PRDM6: variants seen among roughly 807,000 people sequenced by gnomAD.
PRDM6 encodes PR/SET domain 6.
PRDM6 carries 25 observed loss-of-function variants against 60.8 expected under a neutral mutation model. The ratio of observed to expected loss-of-function variants is 0.41; its 90% CI spans 0.30 to 0.57. The LOEUF is 0.57. Ranked by LOEUF, PRDM6 falls within the 20% of genes least tolerant of loss-of-function variation. PRDM6 has a pLI of 0.27. For missense variants in PRDM6, 839 were observed against 821.3 expected, an observed-to-expected ratio of 1.02 and a Z score of -0.26; for synonymous variants, 407 against 357.4, an observed-to-expected ratio of 1.14 and a Z score of -1.57.
chr5:123,102,763 A>G (rs1561806740), intron 3 of PRDM6, among the ~76,000 whole-genome samples: 4 of 152,238 alleles, frequency 2.6e-5, no homozygotes, highest in Admixed American at 2.6e-4. Context: ...TCAGGTCCTG[A>G]TGGATCTTAC....
Position 123,187,114 on chromosome 5 carries a change from G to T in PRDM6, c.1701G>T (p.Thr567=). Residue 567 remains threonine, a synonymous_variant, in exon 8 of 8, where the codon ACG becomes ACT. Transcript: ENST00000407847. ...GCGAGAGGTGTGAGAGGAGCTTCAC[G>T]CAGGCCACCCAGCTGAGCCGACACC... ...FKCERCERSF[T]QATQLSRHQR... is the part of the protein sequence containing the mutation. The T allele has an allele frequency of 1.3e-6, 2 of 1,551,492 alleles. No homozygotes were observed. The highest frequency in any genetic ancestry group is 1.7e-6 in the Non-Finnish European group (2 of 1,146,852).
At chr5:123,096,219 T>C (rs1052969708) in intron 2 of PRDM6, among the ~76,000 whole-genome samples, 5 of 3,688 alleles carry the variant, frequency 1.4e-3, no homozygotes, top group Non-Finnish European at 2.5e-3. Context: ...CTTGCTTCCT[T>C]GTTAGGAACC....
chr5:123,149,465 T>C (rs1765326697), intron 3 of PRDM6, among the ~76,000 whole-genome samples: 1 of 152,174 alleles, frequency 6.6e-6, no homozygotes, highest in South Asian at 2.1e-4. Flanking sequence ...TGGTAGGTGA[T>C]GTTCAGTGAG....
intron 2 of PRDM6, among the ~76,000 whole-genome samples, chr5:123,095,907 T>C (rs1763948291): frequency 6.6e-6 from 1 of 152,210 alleles, no homozygotes; most frequent in Non-Finnish European, 1.5e-5. Context: ...CATGGCCTGC[T>C]TTGCCGCCTT....
chr5:123,128,866 G>A (rs912854917), intron 3 of PRDM6, among the ~76,000 whole-genome samples: 1 of 152,130 alleles, frequency 6.6e-6, no homozygotes, highest in Non-Finnish European at 1.5e-5. Flanking sequence ...AATGGTATTG[G>A]CTAGGTTTTC....
intron 3 of PRDM6, among the ~76,000 whole-genome samples, chr5:123,105,240 T>C (rs1395688812): frequency 6.6e-6 from 1 of 152,196 alleles, no homozygotes; most frequent in Non-Finnish European, 1.5e-5. Flanking sequence ...TCTTACACCA[T>C]GTAATTTTTT....
chr5:123,166,244 C>A (rs1301875184), intron 5 of PRDM6, among the ~76,000 whole-genome samples: 2 of 152,204 alleles, frequency 1.3e-5, no homozygotes, highest in Non-Finnish European at 2.9e-5. Flanking sequence ...CCTACTTCAG[C>A]ATGGCACAAG....
chr5:123,187,238 C>A lies in PRDM6; in HGVS notation c.*37C>A. Reference sequence around the variant, plus strand: ...GTTGGAATTAAACTGCAAGGAAAGTCATGATTAAATGTCACGGACACTTAA... The same window carrying A: ...GTTGGAATTAAACTGCAAGGAAAGTAATGATTAAATGTCACGGACACTTAA... On this transcript the variant is annotated 3_prime_UTR_variant, in exon 8 of 8. Transcript: ENST00000407847. 2 of 1,471,556 alleles carry A rather than the reference C, an allele frequency of 1.4e-6. No homozygotes were observed. Among genetic ancestry groups the A allele is most frequent in the South Asian group, 2.4e-5 (2 of 82,084 alleles). The allele number at this position is 1,471,556 out of a possible 1,614,324, so 91.2% of individuals were successfully genotyped here. A position where few individuals can be genotyped will look rare whatever the true frequency, so the allele number is the denominator to read the frequency against.
intron 3 of PRDM6, among the ~76,000 whole-genome samples, chr5:123,136,104 C>T (rs1473792556): frequency 6.6e-6 from 1 of 152,122 alleles, no homozygotes; most frequent in Non-Finnish European, 1.5e-5. Context: ...TTTGCAGAGG[C>T]CTCTTTGAAG....
At chr5:123,091,800 A>G (rs1276471507) in intron 2 of PRDM6, among the ~76,000 whole-genome samples, 2 of 152,240 alleles carry the variant, frequency 1.3e-5, no homozygotes, top group Non-Finnish European at 1.5e-5. Flanking sequence ...AAGTTAATTT[A>G]AAACATTTAT....
chr5:123,171,065 C>A lies in PRDM6; in HGVS notation c.1453C>A (p.Arg485=). The change falls in exon 6 of 8, where the codon CGG becomes AGG. Residue 485 remains arginine (R), a synonymous_variant. Transcript: ENST00000407847. ...GCAGTGCTTTAAGACTTTCACCCAG[C>A]GGATCCTCTTACAGATGCACGTGTG... ...CGQCFKTFTQ[R]ILLQMHVCTQ... 1.9e-6 allele frequency: 3 copies of A among 1,551,456 alleles called. No homozygotes were observed. The highest frequency in any genetic ancestry group is 2.6e-6 in the Non-Finnish European group (3 of 1,146,638).
chr5:123,097,796 A>G (rs1763990702), intron 2 of PRDM6, among the ~76,000 whole-genome samples: 1 of 152,180 alleles, frequency 6.6e-6, no homozygotes, highest in South Asian at 2.1e-4. Flanking sequence ...AGGACAGAAG[A>G]GGGCCTTTGT....
chr5:123,116,425 T>A (rs541800242), intron 3 of PRDM6, among the ~76,000 whole-genome samples: 2 of 152,358 alleles, frequency 1.3e-5, no homozygotes, highest in East Asian at 3.8e-4. Flanking sequence ...AGAGAGGAGC[T>A]GGTTTGCAAA....
rs1392197326 is a variant in PRDM6, at chr5:123,187,792, C to T, written c.*591C>T. 1 of 152,198 alleles carries T rather than the reference C, an allele frequency of 6.6e-6. No individual in the cohort carries two copies. Among genetic ancestry groups the T allele is most frequent in the East Asian group, 1.9e-4 (1 of 5,198 alleles). The allele number at this position is 152,198 out of a possible 1,614,324, so 9.4% of individuals were successfully genotyped here. On this transcript the variant is annotated 3_prime_UTR_variant, in exon 8 of 8. Coordinates refer to ENST00000407847, the MANE Select transcript of PRDM6 (RefSeq NM_001136239.4). Reference sequence around the variant, plus strand: ...GCTCACTGCTCATGCACTTTTTACACGGTTTCTTCCAAACAGCCCGGTCTT... The same window carrying T: ...GCTCACTGCTCATGCACTTTTTACATGGTTTCTTCCAAACAGCCCGGTCTT...
intron 6 of PRDM6, chr5:123,173,436 A>T (rs1034089629): frequency 9.0e-5 from 15 of 166,926 alleles, no homozygotes; most frequent in African/African-American, 3.6e-4. Flanking sequence ...TGATGGGCTT[A>T]TTTGATTCAG....
At chr5:123,164,166 A>G (rs1765699526) in intron 5 of PRDM6, among the ~76,000 whole-genome samples, 1 of 129,336 alleles carries the variant, frequency 7.7e-6, no homozygotes, top group South Asian at 2.3e-4. Context: ...GAGAACACAT[A>G]AGCACATAAC....
chr5:123,157,176 T>C (rs1412526452), intron 4 of PRDM6, among the ~76,000 whole-genome samples: 1 of 151,986 alleles, frequency 6.6e-6, no homozygotes, highest in African/African-American at 2.4e-5. Flanking sequence ...TTAAAAAAAA[T>C]GTGGGCAGTA....
chr5:123,140,238 A>G (rs1199745018), intron 3 of PRDM6, among the ~76,000 whole-genome samples: 1 of 151,908 alleles, frequency 6.6e-6, no homozygotes, highest in Non-Finnish European at 1.5e-5. Flanking sequence ...TTTCTTTCAC[A>G]AAACATTTGG....
chr5:123,147,050 C>T (rs1007222558), intron 3 of PRDM6, among the ~76,000 whole-genome samples: 4 of 151,968 alleles, frequency 2.6e-5, no homozygotes, highest in South Asian at 2.1e-4. Context: ...CTCAAATGAA[C>T]GCGTGAACGA....
Sources: gnomAD v4.1 joint callset for allele counts (sites outside exome capture counted in the v4.1 genomes callset) on GRCh38, gnomAD v4.1.1 for gene constraint, MANE v1.5 for transcripts, NCBI Gene and HGNC (gene_info 2026-07-23, HGNC 2026-07-21) for gene names.